Variants in NOL4 observed in about 807,000 individuals in gnomAD.
NOL4 encodes the protein nucleolar protein 4, also known as cancer/testis antigen 125.
A neutral mutation model predicts 75.9 loss-of-function variants in NOL4; 17 were observed. The observed-to-expected ratio is 0.22, with a 90% CI of 0.15 to 0.34. NOL4 has a LOEUF of 0.34. Among genes scored for constraint, NOL4 ranks in the 10% least tolerant of loss-of-function variants. The pLI is 1.00. For synonymous variants in NOL4, 292 were observed against 289.9 expected (o/e 1.01, Z -0.07); for missense variants, 614 against 793.5 (o/e 0.77, Z 2.72).
intron 5 of NOL4, among the ~76,000 whole-genome samples, chr18:34,080,178 C>A (rs1013818724): frequency 6.6e-6 from 1 of 152,176 alleles, no homozygotes; most frequent in East Asian, 1.9e-4. Context: ...ATCTCTGTCC[C>A]TTACATTGAG....
intron 6 of NOL4, among the ~76,000 whole-genome samples, chr18:33,960,694 G>T (rs956368596): frequency 6.6e-6 from 1 of 152,114 alleles, no homozygotes; most frequent in African/African-American, 2.4e-5. Flanking sequence ...CTGGTTAAGT[G>T]ATTTTCCCAA....
intron 6 of NOL4, among the ~76,000 whole-genome samples, chr18:33,965,184 C>T (rs1446356396): frequency 6.6e-6 from 1 of 152,014 alleles, no homozygotes; most frequent in East Asian, 1.9e-4. Context: ...CTGAGATATG[C>T]TTTAAAATAC....
intron 9 of NOL4, among the ~76,000 whole-genome samples, chr18:33,929,562 A>G (rs1568078376): frequency 6.6e-6 from 1 of 152,196 alleles, no homozygotes; most frequent in Non-Finnish European, 1.5e-5. Context: ...TCTGCAGTAT[A>G]CAAACACCTG....
chr18:34,069,250 T>G (rs1420681545), intron 5 of NOL4, among the ~76,000 whole-genome samples: 1 of 152,128 alleles, frequency 6.6e-6, no homozygotes, highest in Non-Finnish European at 1.5e-5. Context: ...TGTCTGAAAT[T>G]AAAATTCATT....
intron 9 of NOL4, among the ~76,000 whole-genome samples, chr18:33,916,771 G>A: frequency 6.6e-6 from 1 of 152,022 alleles, no homozygotes; most frequent in East Asian, 1.9e-4. Context: ...TCTATGTTTA[G>A]GTATAACTTC....
chr18:34,098,952 T>C (rs2078915284), intron 4 of NOL4, among the ~76,000 whole-genome samples: 2 of 152,190 alleles, frequency 1.3e-5, no homozygotes, highest in Admixed American at 1.3e-4. Flanking sequence ...TTCCTGTGTG[T>C]TTTTTCTCTC....
At chr18:33,871,698 C>T (rs1021656800) in intron 10 of NOL4, among the ~76,000 whole-genome samples, 4 of 151,992 alleles carry the variant, frequency 2.6e-5, no homozygotes, top group Admixed American at 6.6e-5. Context: ...ACAAAATTCC[C>T]AAGAGGCTCT....
intron 2 of NOL4, among the ~76,000 whole-genome samples, chr18:34,119,558 C>T (rs2080024150): frequency 6.6e-6 from 1 of 152,242 alleles, no homozygotes; most frequent in South Asian, 2.1e-4. Flanking sequence ...GTTCATCTAC[C>T]CTTCCCTTTT....
intron 5 of NOL4, among the ~76,000 whole-genome samples, chr18:34,069,587 A>G (rs906310207): frequency 4.6e-5 from 7 of 152,212 alleles, no homozygotes; most frequent in African/African-American, 9.7e-5. Context: ...GCATTTAGGC[A>G]TATCATAGGC....
At chr18:33,941,521 A>T (rs2068474447) in intron 9 of NOL4, among the ~76,000 whole-genome samples, 1 of 151,906 alleles carries the variant, frequency 6.6e-6, no homozygotes, top group Non-Finnish European at 1.5e-5. Flanking sequence ...GCCTGCTTCT[A>T]GTTAACTGAT....
chr18:33,943,018 A>G, intron 9 of NOL4, 47 bp downstream of exon 9: 2 of 1,217,266 alleles, frequency 1.6e-6, no homozygotes, highest in Non-Finnish European at 2.4e-6. Flanking sequence ...TAAATGAACT[A>G]CATTTGCTAT....
At chr18:33,883,547 A>T in intron 9 of NOL4, 123 bp from the exon 10 acceptor site, 1 of 625,924 alleles carries the variant, frequency 1.6e-6, no homozygotes, top group Non-Finnish European at 2.4e-6. Context: ...GTGAATGTTA[A>T]GTAAGCACAG....
chr18:33,933,422 G>A (rs1001816049), intron 9 of NOL4, among the ~76,000 whole-genome samples: 1 of 152,134 alleles, frequency 6.6e-6, no homozygotes, highest in African/African-American at 2.4e-5. Flanking sequence ...TTGCCACACT[G>A]ACAGATGCTC....
chr18:33,959,023 G>A (rs1193029753), intron 6 of NOL4, among the ~76,000 whole-genome samples: 1 of 152,058 alleles, frequency 6.6e-6, no homozygotes, highest in Non-Finnish European at 1.5e-5. Context: ...AGTCTTAAGA[G>A]GTCATCTGAT....
chr18:33,879,302 T>C (rs2064116735), intron 10 of NOL4, among the ~76,000 whole-genome samples: 1 of 152,050 alleles, frequency 6.6e-6, no homozygotes, highest in Admixed American at 6.6e-5. Flanking sequence ...TCCAATAGTA[T>C]AAATCCTTAT....
At position 34,036,182 on chromosome 18, in the gene NOL4, C is replaced by T. The variant is rs1046976990; in HGVS notation, c.773-16581G>A. 5.9e-5 allele frequency among the ~76,000 whole-genome samples: 9 copies of T among 152,066 alleles called. 1 individual carries two copies. The highest frequency in any genetic ancestry group is 2.2e-4 in the African/African-American group (9 of 41,404). On this transcript the variant is annotated intron_variant, in intron 5 of 10. Transcript: ENST00000261592. ...AAGGATTTGACAAATAGTGAAACTACAGGCCAATATTCATGATGAACAGAG... is the reference window on the plus strand; with the variant it reads ...AAGGATTTGACAAATAGTGAAACTATAGGCCAATATTCATGATGAACAGAG...
chr18:33,873,297 ACAATGGTTCCCTC>A (rs1361379622), intron 10 of NOL4, among the ~76,000 whole-genome samples: 6 of 152,112 alleles, frequency 3.9e-5, no homozygotes, highest in African/African-American at 1.2e-4. Context: ...GAGCAGGATG[ACAATGGTTCCCTC>A]CCCACACATC....
intron 6 of NOL4, among the ~76,000 whole-genome samples, chr18:33,963,515 G>T (rs573757286): frequency 1.2e-3 from 175 of 152,092 alleles, no homozygotes; most frequent in African/African-American, 4.1e-3. Flanking sequence ...CATTTCAGGT[G>T]CAATTGTTTT....
intron 10 of NOL4, among the ~76,000 whole-genome samples, chr18:33,861,613 T>C (rs1236149798): frequency 6.6e-6 from 1 of 152,154 alleles, no homozygotes. Context: ...AAAGCATTCT[T>C]ATACATCAAT....
Sources: gnomAD v4.1 joint callset for allele counts (sites outside exome capture counted in the v4.1 genomes callset) on GRCh38, gnomAD v4.1.1 for gene constraint, MANE v1.5 for transcripts, NCBI Gene and HGNC (gene_info 2026-07-23, HGNC 2026-07-21) for gene names.